SLC39A10: variants seen among roughly 807,000 people sequenced by gnomAD.
The protein encoded by SLC39A10 is solute carrier family 39 member 10, also known as zinc transporter ZIP10.
In SLC39A10, 13 loss-of-function variants were observed where a neutral mutation model predicts 65.1. The ratio of observed to expected loss-of-function variants is 0.20; its 90% CI spans 0.13 to 0.32. The LOEUF is 0.32. SLC39A10 is among the 10% of genes least tolerant of loss of function. The pLI, the probability that SLC39A10 is intolerant of heterozygous loss-of-function variation, is 1.00. For missense variants in SLC39A10, 831 were observed against 1,018.4 expected (o/e 0.82, Z 2.50); for synonymous variants, 321 against 342.2 (o/e 0.94, Z 0.68).
intron 2 of SLC39A10, among the ~76,000 whole-genome samples, chr2:195,643,680 C>G (rs1407738798): frequency 6.6e-6 from 1 of 152,114 alleles, no homozygotes; most frequent in African/African-American, 2.4e-5. Context: ...GAAACTGGAA[C>G]CTTGAATCTG....
rs567061319 is a variant in SLC39A10, at chr2:195,731,462, G to A, written c.2337+3113G>A. Among the ~76,000 whole-genome samples, 14 of 151,990 alleles carry A rather than the reference G, an allele frequency of 9.2e-5. No homozygotes were observed. In the East Asian group the frequency reaches 9.7e-4, roughly 10 times the overall value. ...ATTAACACCATTTTACTTATTTATCGTGTTCATTGTCTTCCCCACTAAGAT... is the reference window on the plus strand; with the variant it reads ...ATTAACACCATTTTACTTATTTATCATGTTCATTGTCTTCCCCACTAAGAT... On this transcript the variant is annotated intron_variant, in intron 9 of 9. Coordinates refer to ENST00000359634, the MANE Select transcript of SLC39A10 (RefSeq NM_020342.3).
intron 2 of SLC39A10, among the ~76,000 whole-genome samples, chr2:195,617,107 G>A (rs1020981087): frequency 1.3e-5 from 2 of 152,092 alleles, no homozygotes; most frequent in African/African-American, 2.4e-5. Flanking sequence ...GACTATAAAT[G>A]AATTCTTCGA....
At chr2:195,615,587 A>T (rs1688189145) in intron 2 of SLC39A10, among the ~76,000 whole-genome samples, 1 of 152,182 alleles carries the variant, frequency 6.6e-6, no homozygotes, top group Non-Finnish European at 1.5e-5. Context: ...TAAATTTCGC[A>T]GATGATGGTA....
At chr2:195,663,084 C>T (rs1438603534) in intron 1 of SLC39A10, among the ~76,000 whole-genome samples, 2 of 152,186 alleles carry the variant, frequency 1.3e-5, no homozygotes, top group African/African-American at 4.8e-5. Flanking sequence ...TTTGTAGCTA[C>T]TTATGTAGCT....
rs193018364 is a variant in SLC39A10, at chr2:195,625,671, T to C, written c.-12+19438T>C. On this transcript the variant is annotated intron_variant, in intron 2 of 2. Coordinates refer to the SLC39A10 transcript ENST00000458054. Reference sequence around the variant, plus strand: ...TCCTTTTATTAAGTACCTAATTGTGTGCAAGGCATTGCTATGGAAGATGAG... The same window carrying C: ...TCCTTTTATTAAGTACCTAATTGTGCGCAAGGCATTGCTATGGAAGATGAG... 8.3e-3 allele frequency among the ~76,000 whole-genome samples: 1,266 copies of C among 152,286 alleles called. 11 individuals are homozygous for C. The highest frequency in any genetic ancestry group is 0.014 in the Non-Finnish European group (947 of 68,012).
intron 2 of SLC39A10, among the ~76,000 whole-genome samples, chr2:195,643,091 T>C: frequency 6.6e-6 from 1 of 152,218 alleles, no homozygotes; most frequent in Non-Finnish European, 1.5e-5. Flanking sequence ...CCTGGGGATG[T>C]CACCTCACCA....
intron 4 of SLC39A10, among the ~76,000 whole-genome samples, chr2:195,707,770 AG>A (rs1691459188): frequency 1.3e-5 from 2 of 152,160 alleles, no homozygotes; most frequent in Admixed American, 6.5e-5. Context: ...TGTATTAAGA[AG>A]GGTTAACTAA....
intron 1 of SLC39A10, among the ~76,000 whole-genome samples, chr2:195,676,851 A>G (rs776525247): frequency 2.7e-4 from 41 of 152,310 alleles, no homozygotes; most frequent in Non-Finnish European, 4.9e-4. Context: ...TTAAATTTGT[A>G]TATACACTTG....
chr2:195,621,069 GT>G (rs751119652), intron 2 of SLC39A10, among the ~76,000 whole-genome samples: 28 of 152,246 alleles, frequency 1.8e-4, no homozygotes, highest in Non-Finnish European at 3.2e-4. Flanking sequence ...ATTTTCTATA[GT>G]TTTAATTTAT....
At chr2:195,706,939 T>G (rs1303909487) in intron 4 of SLC39A10, among the ~76,000 whole-genome samples, 154 bp downstream of exon 4, 1 of 152,208 alleles carries the variant, frequency 6.6e-6, no homozygotes, top group African/African-American at 2.4e-5. Context: ...TTCAGAGTTT[T>G]AATAGCAATA....
intron 3 of SLC39A10, among the ~76,000 whole-genome samples, chr2:195,699,176 A>G (rs1173032896): frequency 6.6e-6 from 1 of 151,862 alleles, no homozygotes; most frequent in African/African-American, 2.4e-5. Context: ...AGTAATTTGT[A>G]TCTTCTCTCT....
At chr2:195,724,586 A>G (rs1357973195) in intron 8 of SLC39A10, among the ~76,000 whole-genome samples, 1 of 152,198 alleles carries the variant, frequency 6.6e-6, no homozygotes, top group Non-Finnish European at 1.5e-5. Context: ...GGATCTACTT[A>G]TAATAGCATC....
intron 5 of SLC39A10, among the ~76,000 whole-genome samples, chr2:195,711,317 T>A (rs1379022222): frequency 1.3e-5 from 2 of 152,212 alleles, no homozygotes; most frequent in African/African-American, 4.8e-5. Flanking sequence ...ATTTTGAACC[T>A]AAGCTTACTG....
At chr2:195,629,476 A>G (rs994463075) in intron 2 of SLC39A10, among the ~76,000 whole-genome samples, 1 of 151,842 alleles carries the variant, frequency 6.6e-6, no homozygotes, top group Middle Eastern at 3.4e-3. Context: ...AGGTCCCATC[A>G]ATTCTACCTC....
intron 3 of SLC39A10, among the ~76,000 whole-genome samples, chr2:195,694,268 A>G (rs1056349591): frequency 6.6e-6 from 1 of 152,292 alleles, no homozygotes; most frequent in Non-Finnish European, 1.5e-5. Context: ...TAGAATGTAT[A>G]TTCTGCAGTT....
At chr2:195,708,875 C>G (rs761323717) in intron 5 of SLC39A10, 31 bp downstream of exon 5, 24 of 1,491,178 alleles carry the variant, frequency 1.6e-5, no homozygotes, top group Non-Finnish European at 1.4e-5. Flanking sequence ...TAATTTTATA[C>G]CATAAAACTC....
At chr2:195,711,923 C>T (rs923616417) in intron 5 of SLC39A10, among the ~76,000 whole-genome samples, 2 of 151,906 alleles carry the variant, frequency 1.3e-5, no homozygotes, top group African/African-American at 4.8e-5. Context: ...AGGACTTGTC[C>T]GTATCATTAT....
At chr2:195,715,443 T>C (rs1288683029) in intron 6 of SLC39A10, among the ~76,000 whole-genome samples, 1 of 150,992 alleles carries the variant, frequency 6.6e-6, no homozygotes, top group African/African-American at 2.4e-5. Context: ...AGAGAATCGC[T>C]TGAACTTGGG....
At chr2:195,675,998 T>C (rs190804622) in intron 1 of SLC39A10, among the ~76,000 whole-genome samples, 2,747 of 150,432 alleles carry the variant, frequency 0.018, 75 homozygotes, top group African/African-American at 0.063. Flanking sequence ...TTGCCTAGAT[T>C]ATTAGTCATC....
Sources: gnomAD v4.1 joint callset for allele counts (sites outside exome capture counted in the v4.1 genomes callset) on GRCh38, gnomAD v4.1.1 for gene constraint, MANE v1.5 for transcripts, NCBI Gene and HGNC (gene_info 2026-07-23, HGNC 2026-07-21) for gene names.